SHC4: variants seen among roughly 807,000 people sequenced by gnomAD.
The protein encoded by SHC4 is SHC adaptor protein 4, also known as SHC-transforming protein 4.
In SHC4, 41 loss-of-function variants were observed where a neutral mutation model predicts 69.4. The ratio of observed to expected loss-of-function variants is 0.59; its 90% confidence interval spans 0.46 to 0.77. The LOEUF (loss-of-function observed/expected upper bound fraction) is 0.77, where lower values mean the gene tolerates loss of function less well. SHC4 is among the 30% of genes least tolerant of loss of function. The pLI is 0.00. For missense variants in SHC4, 777 were observed against 783.8 expected, an observed-to-expected ratio of 0.99 and a Z score of 0.10; for synonymous variants, 318 against 299.3, an observed-to-expected ratio of 1.06 and a Z score of -0.64.
intron 1 of SHC4, among the ~76,000 whole-genome samples, chr15:48,962,230 C>T (rs905570036): frequency 2.6e-5 from 4 of 152,180 alleles, no homozygotes; most frequent in African/African-American, 9.7e-5. Flanking sequence ...TGTCCTTGAA[C>T]CAAAGGCTGC....
intron 3 of SHC4, among the ~76,000 whole-genome samples, chr15:48,884,733 C>T (rs2141002812): frequency 6.6e-6 from 1 of 152,292 alleles, no homozygotes; most frequent in East Asian, 1.9e-4. Flanking sequence ...ATTTGACAAT[C>T]CACTGAATCT....
chr15:48,948,020 C>T (rs951161375), intron 1 of SHC4: 4 of 152,236 alleles, frequency 2.6e-5, no homozygotes, highest in Admixed American at 2.0e-4. Flanking sequence ...ACCTCCATCT[C>T]CAGAGACACC....
chr15:48,928,318 C>T (rs1900893255), intron 1 of SHC4, among the ~76,000 whole-genome samples: 1 of 152,182 alleles, frequency 6.6e-6, no homozygotes, highest in African/African-American at 2.4e-5. Flanking sequence ...TGCCCTACTT[C>T]TCAGGCGGGC....
At chr15:48,856,850 G>T (rs992185384) in intron 7 of SHC4, among the ~76,000 whole-genome samples, 3 of 151,050 alleles carry the variant, frequency 2.0e-5, no homozygotes, top group African/African-American at 7.3e-5. Flanking sequence ...ACACAGTTTT[G>T]TTAGGTTCAT....
rs755582964 is a variant in SHC4, at chr15:48,962,793, G to A, written c.223C>T (p.Pro75Ser). ...PHLPTEDATL[P>S]SQESPTPLCT... ...AGTGGGGTGGGGCTCTCCTGCGACG[G>A]CAAGGTGGCATCTTCAGTCGGCAGG... The change falls in exon 1 of 12, where the codon CCG becomes TCG. Residue 75 changes from proline to serine, a missense_variant. By Grantham distance (74) the Pro-to-Ser change is moderately conservative. Coordinates refer to ENST00000332408, the MANE Select transcript of SHC4 (RefSeq NM_203349.4). The A allele has an allele frequency of 1.2e-6, 2 of 1,612,124 alleles. No individual in the cohort carries two copies. Among genetic ancestry groups the A allele is most frequent in the Non-Finnish European group, 1.7e-6 (2 of 1,179,770 alleles).
chr15:48,950,748 G>A (rs901758893), intron 1 of SHC4, among the ~76,000 whole-genome samples: 1 of 152,126 alleles, frequency 6.6e-6, no homozygotes, highest in African/African-American at 2.4e-5. Context: ...TGGACAACAG[G>A]GAGGCACCAT....
intron 4 of SHC4, chr15:48,878,775 G>A: frequency 6.4e-7 from 1 of 1,565,568 alleles, no homozygotes; most frequent in East Asian, 2.3e-5. Flanking sequence ...AACTACTTGA[G>A]GAGGGACCCA....
At chr15:48,878,066 C>G in intron 4 of SHC4, 1 of 1,410,170 alleles carries the variant, frequency 7.1e-7, no homozygotes, top group South Asian at 1.4e-5. Context: ...AGGACCACGC[C>G]TGCGCGCGGG....
chr15:48,921,336 T>TG (rs1223658199), intron 2 of SHC4, among the ~76,000 whole-genome samples: 1 of 151,410 alleles, frequency 6.6e-6, no homozygotes, highest in African/African-American at 2.4e-5. Flanking sequence ...TTATCGTTTT[T>TG]TTTTTTTTTT....
chr15:48,916,553 T>C (rs1007923699), intron 2 of SHC4, among the ~76,000 whole-genome samples: 9 of 63,426 alleles, frequency 1.4e-4, no homozygotes, highest in Non-Finnish European at 2.2e-4. Flanking sequence ...GTCTATAGCA[T>C]CAGTTCAAAA....
intron 4 of SHC4, among the ~76,000 whole-genome samples, chr15:48,882,826 A>G (rs975052282): frequency 6.6e-6 from 1 of 152,198 alleles, no homozygotes; most frequent in African/African-American, 2.4e-5. Flanking sequence ...TTGCATCTAC[A>G]TATGTATTGA....
intron 1 of SHC4, among the ~76,000 whole-genome samples, chr15:48,931,388 C>G (rs925541882): frequency 3.3e-5 from 5 of 152,216 alleles, no homozygotes; most frequent in Non-Finnish European, 7.3e-5. Context: ...TGTATTGGCA[C>G]ATGAATATTC....
intron 1 of SHC4, among the ~76,000 whole-genome samples, chr15:48,956,839 T>C (rs1374957773): frequency 6.6e-6 from 1 of 152,192 alleles, no homozygotes; most frequent in Non-Finnish European, 1.5e-5. Flanking sequence ...GGTAACTCTT[T>C]CTAACCAAAA....
At chr15:48,893,183 A>G (rs1391591385) in intron 2 of SHC4, among the ~76,000 whole-genome samples, 1 of 152,154 alleles carries the variant, frequency 6.6e-6, no homozygotes, top group Non-Finnish European at 1.5e-5. Flanking sequence ...GAAAGGATGA[A>G]CCTTCCTGGC....
At chr15:48,888,373 A>C (rs902951867) in intron 3 of SHC4, among the ~76,000 whole-genome samples, 1 of 152,188 alleles carries the variant, frequency 6.6e-6, no homozygotes, top group Non-Finnish European at 1.5e-5. Flanking sequence ...AAAAGGACCA[A>C]TACTGTATGA....
At chr15:48,952,065 A>G (rs981291083) in intron 1 of SHC4, among the ~76,000 whole-genome samples, 1 of 152,182 alleles carries the variant, frequency 6.6e-6, no homozygotes, top group Non-Finnish European at 1.5e-5. Flanking sequence ...AGTCTAACCT[A>G]TCAGATGAGT....
chr15:48,857,728 T>G lies in SHC4; in HGVS notation c.1034A>C (p.Tyr345Ser). 1 of 1,604,380 alleles carries G rather than the reference T, an allele frequency of 6.2e-7. No homozygotes were observed. The highest frequency in any genetic ancestry group is 8.5e-7 in the Non-Finnish European group (1 of 1,174,498). Residue 345 changes from tyrosine (Y) to serine (S), a missense_variant, in exon 7 of 12, where the codon TAC becomes TCC. By Grantham distance (144) the Tyr-to-Ser change is moderately radical. Transcript: ENST00000332408. ...AGTATTCAAAGAAGGATTTTTCAAG[T>G]ACTGTTTAAACCGGAGTTCAAAAGC... ...GQAFELRFKQ[Y>S]LKNPSLNTSC...
intron 1 of SHC4, chr15:48,945,900 T>C (rs1330294043): frequency 6.6e-6 from 1 of 152,194 alleles, no homozygotes; most frequent in Admixed American, 6.5e-5. Context: ...AAATAAACCA[T>C]AGATCTAGAA....
At chr15:48,878,410 G>C in intron 4 of SHC4, 1 of 1,611,788 alleles carries the variant, frequency 6.2e-7, no homozygotes, top group Non-Finnish European at 8.5e-7. Context: ...TTGCTAACGG[G>C]CCCAACGCTG....
Sources: gnomAD v4.1 joint callset for allele counts (sites outside exome capture counted in the v4.1 genomes callset) on GRCh38, gnomAD v4.1.1 for gene constraint, MANE v1.5 for transcripts, NCBI Gene and HGNC (gene_info 2026-07-23, HGNC 2026-07-21) for gene names.